RNF216: variants seen among roughly 807,000 people sequenced by gnomAD.
RNF216 encodes the protein E3 ubiquitin-protein ligase RNF216.
A neutral mutation model predicts 110.8 loss-of-function variants in RNF216; 72 were observed. The observed-to-expected ratio is 0.65, with a 90% CI of 0.54 to 0.79. The LOEUF is 0.79. Among genes scored for constraint, RNF216 ranks in the 30% least tolerant of loss-of-function variants. The probability of loss-of-function intolerance (pLI) is 0.00; values close to 1 mark genes in which losing one functional copy is unlikely to be tolerated. For missense variants in RNF216, 1,342 were observed against 1,141.2 expected, an observed-to-expected ratio of 1.18 and a Z score of -2.54; for synonymous variants, 495 against 407.5, an observed-to-expected ratio of 1.21 and a Z score of -2.59.
At chr7:5,684,129 G>C (rs1474545894) in intron 13 of RNF216, among the ~76,000 whole-genome samples, 2 of 112,456 alleles carry the variant, frequency 1.8e-5, no homozygotes, top group South Asian at 3.1e-4. Flanking sequence ...TTGAGATGGA[G>C]TCTCGCTCTG....
At chr7:5,736,733 C>T (rs1339176762) in intron 5 of RNF216, among the ~76,000 whole-genome samples, 2 of 152,002 alleles carry the variant, frequency 1.3e-5, no homozygotes, top group Non-Finnish European at 2.9e-5. Context: ...TGCCCCGCCG[C>T]CCCATCTGGG....
intron 2 of RNF216, among the ~76,000 whole-genome samples, chr7:5,759,717 T>A (rs1191749136): frequency 6.8e-6 from 1 of 146,256 alleles, no homozygotes; most frequent in East Asian, 2.2e-4. Context: ...CTACAACCTC[T>A]GCCTCCCAGG....
chr7:5,722,563 T>TATTTTTA (rs1161852367), intron 8 of RNF216, among the ~76,000 whole-genome samples: 35 of 151,846 alleles, frequency 2.3e-4, no homozygotes, highest in Non-Finnish European at 3.8e-4. Flanking sequence ...GCTAATTTTT[T>TATTTTTA]GTATTTTTAG....
chr7:5,754,123 T>TGTGTGTGTGG (rs1795485105), intron 2 of RNF216, among the ~76,000 whole-genome samples: 1 of 23,842 alleles, frequency 4.2e-5, no homozygotes, highest in African/African-American at 1.4e-4. Context: ...TTGTGTGGTG[T>TGTGTGTGTGG]GTGTGTGTGT....
At chr7:5,623,646 C>T (rs1346771659) in intron 16 of RNF216, among the ~76,000 whole-genome samples, 1 of 152,006 alleles carries the variant, frequency 6.6e-6, no homozygotes, top group Non-Finnish European at 1.5e-5. Context: ...TTTGCCCAGG[C>T]TAGCCCCAAC....
At chr7:5,676,349 T>C (rs1428985293) in intron 13 of RNF216, among the ~76,000 whole-genome samples, 1 of 152,190 alleles carries the variant, frequency 6.6e-6, no homozygotes, top group Non-Finnish European at 1.5e-5. Context: ...TCCAGCTATA[T>C]ACCTTATAAT....
At chr7:5,739,660 A>G (rs1224323297) in intron 4 of RNF216, 1 of 487,316 alleles carries the variant, frequency 2.1e-6, no homozygotes, top group Non-Finnish European at 4.0e-6. Context: ...AATAAGTTAC[A>G]ATCTCATGCC....
At position 5,624,963 on chromosome 7, in the gene RNF216, A is replaced by T. The variant is rs566996958; in HGVS notation, c.2383-838T>A. On this transcript the variant is annotated intron_variant, in intron 15 of 16. Coordinates refer to ENST00000389902, the MANE Select transcript of RNF216 (RefSeq NM_207111.4). The surrounding 1 kb of genome is among the most constrained non-coding windows in gnomAD (Gnocchi z 4.4). ...GACCACCCGTGATGCCTGCTTCATG[A>T]GTGGCGCTTACCTTAACCCCCCTCC... Among the ~76,000 whole-genome samples, 2 of 152,260 alleles carry T rather than the reference A, an allele frequency of 1.3e-5. No homozygotes were observed. Among genetic ancestry groups the T allele is most frequent in the Non-Finnish European group, 2.9e-5 (2 of 68,000 alleles).
At chr7:5,694,542 C>G (rs1385541232) in intron 13 of RNF216, among the ~76,000 whole-genome samples, 1 of 152,214 alleles carries the variant, frequency 6.6e-6, no homozygotes, top group Admixed American at 6.5e-5. Context: ...GCTATGAGAT[C>G]AGACAGTCAG....
At chr7:5,731,344 T>C (rs906815418) in intron 5 of RNF216, among the ~76,000 whole-genome samples, 7 of 152,256 alleles carry the variant, frequency 4.6e-5, no homozygotes, top group Admixed American at 2.0e-4. Flanking sequence ...CTATGAGCCA[T>C]TGAGTTACAC....
In RNF216 at chr7:5,741,103, G is replaced by A. The variant is rs1794728124; in HGVS notation, c.914C>T (p.Ala305Val). 6.2e-7 allele frequency: 1 copy of A among 1,614,098 alleles called. No homozygotes were observed. Among genetic ancestry groups the A allele is most frequent in the Non-Finnish European group, 8.5e-7 (1 of 1,180,026 alleles). Reference protein sequence around the residue: ...PLGEFEDQQLASDDEEPGPAF... With the variant: ...PLGEFEDQQLVSDDEEPGPAF... ...TGGACCTGGCTCTTCATCATCACTT[G>A]CTAACTGCTGGTCTTCAAACTCTCC... The change falls in exon 4 of 17, where the codon GCA (alanine) becomes GTA (valine). Residue 305 changes from alanine to valine, a missense_variant. Transcript: ENST00000389902.
At chr7:5,710,113 A>T (rs1792572498) in intron 13 of RNF216, among the ~76,000 whole-genome samples, 1 of 152,198 alleles carries the variant, frequency 6.6e-6, no homozygotes, top group Non-Finnish European at 1.5e-5. Context: ...TAATACCAGC[A>T]CTTTGGAAGG....
intron 15 of RNF216, among the ~76,000 whole-genome samples, chr7:5,625,618 T>A (rs1444799660): frequency 2.0e-5 from 3 of 152,222 alleles, no homozygotes; most frequent in African/African-American, 7.2e-5. Flanking sequence ...CACACAATTG[T>A]TTGTGAACCG....
chr7:5,660,943 G>GTTTTTTTTTGTTTTTT (rs1470327757), intron 13 of RNF216, among the ~76,000 whole-genome samples: 10 of 90,150 alleles, frequency 1.1e-4, no homozygotes, highest in African/African-American at 4.9e-4. Flanking sequence ...GAAGCCTTAG[G>GTTTTTTTTTGTTTTTT]TTTTTTTTTT....
At position 5,712,705 on chromosome 7, in the gene RNF216, G is replaced by C; in HGVS notation, c.1982+10C>G. On this transcript the variant is annotated intron_variant, in intron 12 of 16. Coordinates refer to ENST00000389902, the MANE Select transcript of RNF216 (RefSeq NM_207111.4). ...AGTTGGCAGATGGCACGCTCTGCCTGAGAACGAACCTGACAAGCTCGTCGG... is the reference window on the plus strand; with the variant it reads ...AGTTGGCAGATGGCACGCTCTGCCTCAGAACGAACCTGACAAGCTCGTCGG... 6.2e-7 allele frequency: 1 copy of C among 1,613,974 alleles called. No homozygotes were observed. Among genetic ancestry groups the C allele is most frequent in the South Asian group, 1.1e-5 (1 of 91,064 alleles).
At chr7:5,733,820 A>G (rs1303593631) in intron 5 of RNF216, among the ~76,000 whole-genome samples, 1 of 152,236 alleles carries the variant, frequency 6.6e-6, no homozygotes, top group African/African-American at 2.4e-5. Flanking sequence ...ACTACAAAAA[A>G]TAACATCATA....
intron 9 of RNF216, among the ~76,000 whole-genome samples, chr7:5,720,089 C>A (rs193027315): frequency 2.6e-5 from 4 of 152,346 alleles, no homozygotes; most frequent in Non-Finnish European, 4.4e-5. Context: ...GATGGCTCTA[C>A]GACACTGGCC....
At chr7:5,627,231 C>T (rs1786766235) in intron 15 of RNF216, among the ~76,000 whole-genome samples, 1 of 152,230 alleles carries the variant, frequency 6.6e-6, no homozygotes, top group Non-Finnish European at 1.5e-5. Context: ...CACCGGGCCA[C>T]TCAATGGTCC....
intron 1 of RNF216, among the ~76,000 whole-genome samples, chr7:5,761,544 T>G (rs376544891): frequency 6.6e-6 from 1 of 152,142 alleles, no homozygotes; most frequent in East Asian, 1.9e-4. Context: ...TCCCAGCACT[T>G]TGGGAGGCCG....
Sources: gnomAD v4.1 joint callset for allele counts (sites outside exome capture counted in the v4.1 genomes callset) on GRCh38, gnomAD v4.1.1 for gene constraint, Gnocchi (gnomAD v3.1) non-coding constraint, MANE v1.5 for transcripts, NCBI Gene and HGNC (gene_info 2026-07-23, HGNC 2026-07-21) for gene names.